FRK: variants seen among roughly 807,000 people sequenced by gnomAD.
FRK encodes the protein fyn related Src family tyrosine kinase, also known as tyrosine-protein kinase FRK.
In FRK, 51 loss-of-function variants were observed where a neutral mutation model predicts 56.4. The ratio of observed to expected loss-of-function variants is 0.90; its 90% CI spans 0.72 to 1.14. The LOEUF (loss-of-function observed/expected upper bound fraction) is 1.14. FRK is among the 50% of genes most tolerant of loss of function. FRK has a pLI of 0.00. For missense variants in FRK, 570 were observed against 601.4 expected, an observed-to-expected ratio of 0.95 and a Z score of 0.55; for synonymous variants, 245 against 217.9, an observed-to-expected ratio of 1.12 and a Z score of -1.10.
chr6:115,943,259 C>A, intron 6 of FRK, 74 bp from the exon 7 acceptor site: 1 of 1,050,934 alleles, frequency 9.5e-7, no homozygotes, highest in Non-Finnish European at 1.4e-6. Flanking sequence ...CATCTATAAT[C>A]TGCTTCACTT....
chr6:116,070,749 T>C, the FRK span, among the ~76,000 whole-genome samples: 1 of 152,202 alleles, frequency 6.6e-6, no homozygotes, highest in Non-Finnish European at 1.5e-5. Context: ...CTTACTTATA[T>C]ATACATGGTC....
At chr6:115,980,858 C>T (rs1774172502) in intron 2 of FRK, among the ~76,000 whole-genome samples, 1 of 152,018 alleles carries the variant, frequency 6.6e-6, no homozygotes, top group African/African-American at 2.4e-5. Context: ...GCCTTACCTG[C>T]CAGAGAACCC....
At chr6:115,978,294 C>T (rs984820970) in intron 2 of FRK, among the ~76,000 whole-genome samples, 4 of 152,072 alleles carry the variant, frequency 2.6e-5, no homozygotes, top group African/African-American at 9.7e-5. Flanking sequence ...TATATCCCTA[C>T]CTTGTTCTAA....
intron 1 of FRK, among the ~76,000 whole-genome samples, chr6:116,028,127 T>G (rs537952034): frequency 4.6e-5 from 7 of 152,154 alleles, no homozygotes; most frequent in Non-Finnish European, 1.0e-4. Flanking sequence ...AGACACCAAC[T>G]GGGTTTTCTG....
At chr6:115,977,009 C>A (rs952894744) in intron 2 of FRK, among the ~76,000 whole-genome samples, 5 of 152,098 alleles carry the variant, frequency 3.3e-5, no homozygotes, top group Non-Finnish European at 7.4e-5. Flanking sequence ...TGCAAAAACT[C>A]CTGCACTTGT....
chr6:115,958,572 G>A (rs908223992), intron 4 of FRK, among the ~76,000 whole-genome samples: 1 of 150,692 alleles, frequency 6.6e-6, no homozygotes, highest in Non-Finnish European at 1.5e-5. Context: ...AGGTTACAGT[G>A]AGCTGAGATC....
upstream of FRK, among the ~76,000 whole-genome samples, chr6:116,063,831 A>AT (rs891235817): frequency 5.8e-4 from 88 of 151,722 alleles, no homozygotes; most frequent in African/African-American, 1.9e-3. Flanking sequence ...AGAAGGTAGT[A>AT]TTTTTTTTTA....
At chr6:116,026,538 GGAAA>G (rs1434471363) in intron 1 of FRK, among the ~76,000 whole-genome samples, 1 of 123,312 alleles carries the variant, frequency 8.1e-6, no homozygotes, top group Non-Finnish European at 1.8e-5. Flanking sequence ...GGGGAAGGGA[GGAAA>G]GAAGGAAGGA....
the FRK span, among the ~76,000 whole-genome samples, chr6:116,081,375 G>C: frequency 5.3e-5 from 8 of 152,254 alleles, no homozygotes; most frequent in Admixed American, 1.3e-4. Context: ...TGATTCTATA[G>C]GCCAGGTGCA....
chr6:116,030,999 G>C (rs1420579231), intron 1 of FRK, among the ~76,000 whole-genome samples: 3 of 152,022 alleles, frequency 2.0e-5, no homozygotes, highest in Non-Finnish European at 4.4e-5. Flanking sequence ...ATCATTCATT[G>C]TTTGGCTCAG....
At chr6:115,972,649 A>C (rs1773851990) in intron 2 of FRK, among the ~76,000 whole-genome samples, 1 of 152,176 alleles carries the variant, frequency 6.6e-6, no homozygotes, top group Non-Finnish European at 1.5e-5. Flanking sequence ...TCCTTTGTCA[A>C]CTGTGAGTAT....
In FRK at chr6:116,052,114, A is replaced by C. The variant is rs1777201451; in HGVS notation, c.344+7854T>G. 3.3e-5 allele frequency among the ~76,000 whole-genome samples: 5 copies of C among 152,276 alleles called. No individual in the cohort carries two copies. In the South Asian group the frequency reaches 1.0e-3, roughly 32 times the overall value. ...TTTAGACGCCATTTCAATGAGATTT[A>C]CAGTCTGTTCCTGACTTGATATTCA... is the stretch of plus-strand genomic sequence containing the variant. On this transcript the variant is annotated intron_variant, in intron 1 of 7. Coordinates refer to ENST00000606080, the MANE Select transcript of FRK (RefSeq NM_002031.3).
At chr6:116,086,403 C>T in the FRK span, among the ~76,000 whole-genome samples, 1 of 152,044 alleles carries the variant, frequency 6.6e-6, no homozygotes, top group Non-Finnish European at 1.5e-5. Flanking sequence ...ATGTGATGTA[C>T]TATTTAAAAA....
intron 5 of FRK, among the ~76,000 whole-genome samples, chr6:115,944,845 T>G (rs898544787): frequency 1.3e-5 from 2 of 152,080 alleles, no homozygotes; most frequent in African/African-American, 2.4e-5. Flanking sequence ...CTAGTACCCA[T>G]TAGTTATTTT....
chr6:115,965,895 T>A (rs1361888782), intron 4 of FRK, among the ~76,000 whole-genome samples: 2 of 75,994 alleles, frequency 2.6e-5, no homozygotes, highest in Non-Finnish European at 5.1e-5. Context: ...CTCTGGGGAC[T>A]GTGGTGGGGT....
At chr6:116,039,450 T>C in intron 1 of FRK, 1 of 1,568,142 alleles carries the variant, frequency 6.4e-7, no homozygotes, top group Non-Finnish European at 8.8e-7. Context: ...TGGGTGATGC[T>C]TCCCTCAAGC....
At chr6:115,945,966 A>G (rs969849834) in intron 5 of FRK, among the ~76,000 whole-genome samples, 57 of 152,058 alleles carry the variant, frequency 3.7e-4, no homozygotes, top group Admixed American at 3.7e-3. Flanking sequence ...TGACTTACCT[A>G]TTTTATATTT....
chr6:116,070,763 T>C, the FRK span, among the ~76,000 whole-genome samples: 1 of 152,194 alleles, frequency 6.6e-6, no homozygotes, highest in Non-Finnish European at 1.5e-5. Context: ...CATGGTCTTT[T>C]ATAGAAACAA....
intron 1 of FRK, among the ~76,000 whole-genome samples, chr6:116,016,703 A>G (rs1775668964): frequency 6.6e-6 from 1 of 152,152 alleles, no homozygotes; most frequent in East Asian, 1.9e-4. Flanking sequence ...GAACAAGCAC[A>G]CACGTTCTCT....
Sources: allele counts gnomAD v4.1 joint callset (sites outside exome capture counted in the v4.1 genomes callset), GRCh38; gene constraint gnomAD v4.1.1; transcripts MANE v1.5; gene names NCBI Gene and HGNC (gene_info 2026-07-23, HGNC 2026-07-21).